Variants in CALN1 observed in about 807,000 individuals in gnomAD.
CALN1 encodes the protein calneuron 1.
CALN1 carries 17 observed loss-of-function variants against 30.6 expected under a neutral mutation model. The observed-to-expected ratio is 0.56, with a 90% confidence interval of 0.38 to 0.83. CALN1 has a LOEUF of 0.83. CALN1 is among the 40% of genes least tolerant of loss of function. CALN1 has a pLI of 0.00. For synonymous variants in CALN1, 156 were observed against 131.4 expected, an observed-to-expected ratio of 1.19 and a Z score of -1.28; for missense variants, 291 against 354.9, an observed-to-expected ratio of 0.82 and a Z score of 1.45.
chr7:72,234,790 G>T (rs1794365792), intron 3 of CALN1, among the ~76,000 whole-genome samples: 1 of 152,126 alleles, frequency 6.6e-6, no homozygotes, highest in Non-Finnish European at 1.5e-5. Flanking sequence ...GAGAACAGAG[G>T]CCATCTCTAA....
chr7:72,113,720 G>A (rs1404221223), intron 3 of CALN1, among the ~76,000 whole-genome samples: 1 of 152,212 alleles, frequency 6.6e-6, no homozygotes, highest in Non-Finnish European at 1.5e-5. Flanking sequence ...CCAGCAGAAT[G>A]GAATAATTGT....
intron 5 of CALN1, among the ~76,000 whole-genome samples, chr7:71,951,244 A>G (rs970501529): frequency 6.6e-6 from 1 of 152,092 alleles, no homozygotes; most frequent in African/African-American, 2.4e-5. Flanking sequence ...CTCTAACACC[A>G]TGTACTCTCC....
intron 2 of CALN1, among the ~76,000 whole-genome samples, chr7:72,314,265 G>C (rs1162386812): frequency 6.6e-6 from 1 of 152,078 alleles, no homozygotes; most frequent in Non-Finnish European, 1.5e-5. Context: ...AGGGCAGCAA[G>C]GGACAGCCAC....
At chr7:72,422,473 A>G (rs992063947) in intron 1 of CALN1, among the ~76,000 whole-genome samples, 3 of 152,180 alleles carry the variant, frequency 2.0e-5, no homozygotes, top group Non-Finnish European at 4.4e-5. Flanking sequence ...ATAAAGTTGC[A>G]GGGTCCCCAG....
intron 2 of CALN1, among the ~76,000 whole-genome samples, chr7:72,303,612 G>A (rs1249787526): frequency 6.6e-6 from 1 of 150,376 alleles, no homozygotes; most frequent in Non-Finnish European, 1.5e-5. Flanking sequence ...GTGAGAAGGA[G>A]AATCCAGCAT....
intron 3 of CALN1, among the ~76,000 whole-genome samples, chr7:72,204,337 A>G (rs1191834424): frequency 1.3e-5 from 2 of 151,888 alleles, no homozygotes; most frequent in Non-Finnish European, 2.9e-5. Flanking sequence ...GTATTCAACT[A>G]TACACAGTTC....
At chr7:72,457,186 T>A in the CALN1 span, among the ~76,000 whole-genome samples, 1 of 152,040 alleles carries the variant, frequency 6.6e-6, no homozygotes, top group Admixed American at 6.6e-5. Context: ...TTTTTTGCAT[T>A]TTTAGTAGAG....
At chr7:72,246,072 C>A (rs1412576709) in intron 3 of CALN1, among the ~76,000 whole-genome samples, 1 of 152,194 alleles carries the variant, frequency 6.6e-6, no homozygotes, top group Non-Finnish European at 1.5e-5. Context: ...TTCCAGAGTG[C>A]CCTCTTATCC....
chr7:72,367,042 A>G (rs1379630777), intron 2 of CALN1, among the ~76,000 whole-genome samples: 4 of 151,664 alleles, frequency 2.6e-5, no homozygotes, highest in Admixed American at 2.0e-4. Context: ...TGAACCTCAC[A>G]AATATAATGT....
At chr7:72,088,475 G>A (rs1237235482) in intron 4 of CALN1, among the ~76,000 whole-genome samples, 2 of 152,074 alleles carry the variant, frequency 1.3e-5, no homozygotes, top group African/African-American at 2.4e-5. Context: ...CAGGCAGGTG[G>A]ATCACCTGAG....
At chr7:72,381,488 A>G (rs2129560831) in intron 2 of CALN1, among the ~76,000 whole-genome samples, 1 of 152,296 alleles carries the variant, frequency 6.6e-6, no homozygotes. Context: ...CATATATACC[A>G]CGAATACTAT....
chr7:72,409,892 A>G (rs2129562880), intron 1 of CALN1, among the ~76,000 whole-genome samples: 1 of 152,230 alleles, frequency 6.6e-6, no homozygotes, highest in East Asian at 1.9e-4. Flanking sequence ...AGATTTTACA[A>G]TTGTTGAGGG....
chr7:72,341,417 G>A (rs944082741), intron 2 of CALN1, among the ~76,000 whole-genome samples: 1 of 152,212 alleles, frequency 6.6e-6, no homozygotes, highest in African/African-American at 2.4e-5. Context: ...CAGCTACTTT[G>A]GAGGCTGAGG....
At chr7:71,830,502 C>G (rs1228985150) in intron 5 of CALN1, among the ~76,000 whole-genome samples, 6 of 151,966 alleles carry the variant, frequency 3.9e-5, no homozygotes, top group Admixed American at 1.3e-4. Flanking sequence ...TGCCCACCAC[C>G]ATGCCTGGCT....
intron 5 of CALN1, among the ~76,000 whole-genome samples, chr7:71,812,677 CT>C (rs1016335857): frequency 6.6e-6 from 1 of 151,912 alleles, no homozygotes; most frequent in East Asian, 1.9e-4. Flanking sequence ...GCAATTGTTT[CT>C]TTTTTTTCTC....
At chr7:72,064,294 A>AT (rs1803871680) in intron 4 of CALN1, among the ~76,000 whole-genome samples, 1 of 151,556 alleles carries the variant, frequency 6.6e-6, no homozygotes, top group Non-Finnish European at 1.5e-5. Context: ...AAAAAAAAAA[A>AT]ATAATTAATT....
At chr7:72,139,231 T>C (rs1809715378) in intron 3 of CALN1, among the ~76,000 whole-genome samples, 1 of 152,166 alleles carries the variant, frequency 6.6e-6, no homozygotes, top group African/African-American at 2.4e-5. Context: ...CTTCCAGAAC[T>C]GGGCCATGTA....
At chr7:71,909,580 A>G (rs555705780) in intron 5 of CALN1, among the ~76,000 whole-genome samples, 1 of 152,320 alleles carries the variant, frequency 6.6e-6, no homozygotes, top group African/African-American at 2.4e-5. Flanking sequence ...TCAGATTGAG[A>G]GAATGAAATT....
intron 5 of CALN1, among the ~76,000 whole-genome samples, chr7:71,845,773 A>T (rs1467469190): frequency 6.6e-6 from 1 of 152,008 alleles, no homozygotes; most frequent in Non-Finnish European, 1.5e-5. Flanking sequence ...TAACACTCTC[A>T]TCCGGGCACA....
Sources: allele counts gnomAD v4.1 joint callset (sites outside exome capture counted in the v4.1 genomes callset), GRCh38; gene constraint gnomAD v4.1.1; transcripts MANE v1.5; gene names NCBI Gene and HGNC (gene_info 2026-07-23, HGNC 2026-07-21).